The following NBEAL1 variants were observed in gnomAD, a reference collection of about 807,000 sequenced individuals.
The protein encoded by NBEAL1 is neurobeachin like 1.
A neutral mutation model predicts 351.3 loss-of-function variants in NBEAL1; 273 were observed. The observed-to-expected ratio is 0.78, with a 90% confidence interval of 0.70 to 0.86. The LOEUF (loss-of-function observed/expected upper bound fraction) is 0.86. NBEAL1 is among the 40% of genes least tolerant of loss of function. The probability of loss-of-function intolerance (pLI) is 0.00; values close to 1 mark genes in which losing one functional copy is unlikely to be tolerated. For missense variants in NBEAL1, 2,961 were observed against 3,201.3 expected (o/e 0.92, Z 1.81); for synonymous variants, 1,050 against 1,086.4 (o/e 0.97, Z 0.66).
intron 51 of NBEAL1, among the ~76,000 whole-genome samples, chr2:203,204,117 C>T (rs149468818): frequency 1.4e-4 from 21 of 151,212 alleles, no homozygotes; most frequent in African/African-American, 2.4e-5. Flanking sequence ...TTAGTAGAGA[C>T]GGGGTTTCAC....
chr2:203,078,874 A>ATAAAAC (rs2061824147), intron 8 of NBEAL1, among the ~76,000 whole-genome samples: 1 of 152,168 alleles, frequency 6.6e-6, no homozygotes, highest in Non-Finnish European at 1.5e-5. Flanking sequence ...TAAAATATTA[A>ATAAAAC]TAAAACAAAT....
intron 35 of NBEAL1, among the ~76,000 whole-genome samples, chr2:203,154,027 C>G (rs763677731): frequency 6.6e-6 from 1 of 151,834 alleles, no homozygotes; most frequent in East Asian, 1.9e-4. Flanking sequence ...GGGCGGATCA[C>G]GAGGTCAGGA....
Position 203,133,119 on chromosome 2 carries a change from A to G in NBEAL1, c.3786A>G (p.Ile1262Met). The G allele has an allele frequency of 6.6e-7, 1 of 1,507,578 alleles. No individual in the cohort carries two copies. The highest frequency in any genetic ancestry group is 1.2e-5 in the South Asian group (1 of 80,700). The allele number at this position is 1,507,578 out of a possible 1,614,324, so 93.4% of individuals were successfully genotyped here. A position where few individuals can be genotyped will look rare whatever the true frequency, so the allele number is the denominator to read the frequency against. Residue 1262 changes from isoleucine to methionine, a missense_variant, in exon 27 of 56, where the codon ATA becomes ATG. Ile to Met is a conservative substitution (Grantham distance 10, BLOSUM62 1). Transcript: ENST00000683969. ...TATATATATCTCACAGAGCACATAT[A>G]AATGTTAGAGTGGCCATCTGCAGAA... The part of the protein sequence containing the change: ...SVVYISHRAH[I>M]NVRVAICRKV...
chr2:203,136,601 A>G lies in NBEAL1; in HGVS notation c.4392A>G (p.Arg1464=). The G allele has an allele frequency of 6.2e-7, 1 of 1,603,976 alleles. No homozygotes were observed. The highest frequency in any genetic ancestry group is 8.5e-7 in the Non-Finnish European group (1 of 1,172,946). The part of the protein sequence containing the change: ...DDFSLLESQE[R]CEEELLQLLT... ...AAATTACTTTATATTTTCCATAGAGATGTGAGGAGGAGCTTCTTCAATTAC... is the reference window on the plus strand; with the variant it reads ...AAATTACTTTATATTTTCCATAGAGGTGTGAGGAGGAGCTTCTTCAATTAC... Residue 1464 remains arginine (R), a splice_region_variant and synonymous_variant, in exon 29 of 56, where the codon AGA becomes AGG. Transcript: ENST00000683969.
At chr2:203,029,192 G>A (rs2060909587) in intron 2 of NBEAL1, among the ~76,000 whole-genome samples, 1 of 152,090 alleles carries the variant, frequency 6.6e-6, no homozygotes, top group South Asian at 2.1e-4. Flanking sequence ...GTTTTACCAT[G>A]TTGGCCAGGC....
In NBEAL1 at chr2:203,157,736, T is replaced by C. The variant is rs2063834224; in HGVS notation, c.5625T>C (p.Leu1875=). Residue 1875 remains leucine (L), a synonymous_variant, in exon 36 of 56, where the codon CTT becomes CTC. Transcript: ENST00000683969. The stretch of plus-strand genomic sequence containing the variant: ...CACAGCCTTCCAGTGATACATTGCT[T>C]TTGGAAGTAGTGAAACAAGTAAAAG... ...QHSQPSSDTL[L]LEVVKQVKVS... 1 of 1,600,452 alleles carries C rather than the reference T, an allele frequency of 6.2e-7. No individual in the cohort carries two copies. The highest frequency in any genetic ancestry group is 8.5e-7 in the Non-Finnish European group (1 of 1,174,156).
rs371832494 is a variant in NBEAL1 at position 203,199,318 on chromosome 2, C to A, written c.7129-20C>A. On this transcript the variant is annotated intron_variant, in intron 48 of 55. Coordinates refer to ENST00000683969, the MANE Select transcript of NBEAL1 (RefSeq NM_001378026.1). ...CCTTAATATTTCATTTAATTTGAGT[C>A]TTCATATGTTCTTTTCCAGATAACA... is the stretch of plus-strand genomic sequence containing the variant. 2.2e-6 allele frequency: 3 copies of A among 1,361,718 alleles called. No individual in the cohort carries two copies. Among genetic ancestry groups the A allele is most frequent in the South Asian group, 1.2e-5 (1 of 82,108 alleles). The allele number at this position is 1,361,718 out of a possible 1,614,324, so 84.4% of individuals were successfully genotyped here.
intron 7 of NBEAL1, among the ~76,000 whole-genome samples, chr2:203,070,575 G>A (rs2061665501): frequency 6.6e-6 from 1 of 152,076 alleles, no homozygotes; most frequent in Non-Finnish European, 1.5e-5. Flanking sequence ...TGAGACTGGG[G>A]TAATTGATAA....
At chr2:203,054,768 G>A (rs567922033) in intron 4 of NBEAL1, among the ~76,000 whole-genome samples, 1 of 152,252 alleles carries the variant, frequency 6.6e-6, no homozygotes, top group South Asian at 2.1e-4. Flanking sequence ...ATATACATTT[G>A]TTTTTGGAAA....
chr2:203,015,199 GCTCGGCACAC>G (rs1359665088), intron 1 of NBEAL1, among the ~76,000 whole-genome samples: 2 of 152,308 alleles, frequency 1.3e-5, no homozygotes, highest in East Asian at 3.9e-4. Flanking sequence ...TCTCTTGGCA[GCTCGGCACAC>G]CTTAAGTTTG....
Position 203,065,827 on chromosome 2 carries a change from ACAGCCCTCT to A in NBEAL1, c.516-2562_516-2554del, listed in dbSNP as rs1301682335. Among the ~76,000 whole-genome samples, 4 of 152,198 alleles carry A rather than the reference ACAGCCCTCT, an allele frequency of 2.6e-5. No homozygotes were observed. In the South Asian group the frequency reaches 8.3e-4, roughly 31 times the overall value. On this transcript the variant is annotated intron_variant, in intron 6 of 55. Coordinates refer to ENST00000683969, the MANE Select transcript of NBEAL1 (RefSeq NM_001378026.1). ...AAACTGAGATGCAAATAAGCGTTTT[ACAGCCCTCT>A]CAGAAACTGGTTGATATGTATTAGC...
intron 51 of NBEAL1, among the ~76,000 whole-genome samples, chr2:203,203,873 A>G (rs1306282188): frequency 6.6e-6 from 1 of 151,794 alleles, no homozygotes; most frequent in East Asian, 1.9e-4. Flanking sequence ...ATTTATTCTT[A>G]CATATGAACT....
chr2:203,183,444 C>G, intron 44 of NBEAL1, 56 bp downstream of exon 44: 1 of 979,980 alleles, frequency 1.0e-6, no homozygotes, highest in Non-Finnish European at 1.6e-6. Flanking sequence ...GATGTGTTTT[C>G]CAGAGGATGG....
At chr2:203,094,506 A>G (rs1310949803) in intron 10 of NBEAL1, among the ~76,000 whole-genome samples, 1 of 152,224 alleles carries the variant, frequency 6.6e-6, no homozygotes, top group African/African-American at 2.4e-5. Flanking sequence ...ATAAAGTTTA[A>G]AATATCATAA....
chr2:203,158,149 T>C (rs1266653892), intron 36 of NBEAL1, among the ~76,000 whole-genome samples: 1 of 151,832 alleles, frequency 6.6e-6, no homozygotes, highest in Admixed American at 6.6e-5. Context: ...GCAAAAGAAA[T>C]AGCATTATAA....
intron 8 of NBEAL1, among the ~76,000 whole-genome samples, chr2:203,080,971 TA>T (rs2061861552): frequency 6.6e-6 from 1 of 152,214 alleles, no homozygotes; most frequent in Non-Finnish European, 1.5e-5. Flanking sequence ...TGTTAGTGCC[TA>T]GGGGTAGTCA....
At chr2:203,149,521 C>T (rs1407017264) in intron 34 of NBEAL1, among the ~76,000 whole-genome samples, 3 of 152,002 alleles carry the variant, frequency 2.0e-5, no homozygotes, top group Admixed American at 2.0e-4. Context: ...TTCTGTTTTG[C>T]TTAATTATAT....
At position 203,217,870 on chromosome 2, in the gene NBEAL1, TA is replaced by T. The variant is rs2065913985; in HGVS notation, c.*520del. 1 of 984,984 alleles carries T rather than the reference TA, an allele frequency of 1.0e-6. No individual in the cohort carries two copies. Among genetic ancestry groups the T allele is most frequent in the Non-Finnish European group, 1.2e-6 (1 of 829,648 alleles). The allele number at this position is 984,984 out of a possible 1,614,324, so 61.0% of individuals were successfully genotyped here. ...AAGTTACAAGTTTGCATGGTAAGAATAAAATAAGAATATTGAAACTGGTACA... is the reference window on the plus strand; with the variant it reads ...AAGTTACAAGTTTGCATGGTAAGAATAAATAAGAATATTGAAACTGGTACA... On this transcript the variant is annotated 3_prime_UTR_variant, in exon 56 of 56. Transcript: ENST00000683969.
chr2:203,176,876 C>T (rs1460377796), intron 42 of NBEAL1, among the ~76,000 whole-genome samples: 2 of 151,694 alleles, frequency 1.3e-5, no homozygotes, highest in Admixed American at 6.6e-5. Context: ...ACTGGCCAAA[C>T]ATGTTGGCTT....
Sources: allele counts gnomAD v4.1 joint callset (sites outside exome capture counted in the v4.1 genomes callset), GRCh38; gene constraint gnomAD v4.1.1; transcripts MANE v1.5; gene names NCBI Gene and HGNC (gene_info 2026-07-23, HGNC 2026-07-21).